Variants in CFAP61 observed in about 807,000 individuals in gnomAD.
CFAP61 encodes the protein cilia and flagella associated protein 61, also known as cilia- and flagella-associated protein 61.
A neutral mutation model predicts 135.6 loss-of-function variants in CFAP61; 107 were observed. The observed-to-expected ratio is 0.79, with a 90% CI of 0.67 to 0.93. The LOEUF is 0.93. Ranked by LOEUF, CFAP61 falls within the 40% of genes least tolerant of loss-of-function variation. The probability of loss-of-function intolerance (pLI) is 0.00; values close to 1 mark genes in which losing one functional copy is unlikely to be tolerated. For synonymous variants in CFAP61, 575 were observed against 578.5 expected (o/e 0.99, Z 0.09); for missense variants, 1,507 against 1,556.2 (o/e 0.97, Z 0.53).
intron 26 of CFAP61, among the ~76,000 whole-genome samples, chr20:20,357,416 G>A (rs2059260315): frequency 1.3e-5 from 1 of 74,168 alleles, no homozygotes; most frequent in Non-Finnish European, 2.6e-5. Context: ...GTCACAGTGT[G>A]AGGGGAGGTG....
chr20:20,055,975 T>C (rs775460676), intron 1 of CFAP61: 3 of 1,611,114 alleles, frequency 1.9e-6, no homozygotes, highest in South Asian at 1.1e-5. Flanking sequence ...TTTCCCAAAG[T>C]GTCCTTCTGG....
chr20:20,319,816 C>T (rs2057343584), intron 25 of CFAP61, among the ~76,000 whole-genome samples: 1 of 152,120 alleles, frequency 6.6e-6, no homozygotes, highest in African/African-American at 2.4e-5. Context: ...AGAATATCAT[C>T]ATTTTCCAGA....
At chr20:20,239,213 T>C (rs2049832963) in intron 18 of CFAP61, among the ~76,000 whole-genome samples, 1 of 152,228 alleles carries the variant, frequency 6.6e-6, no homozygotes, top group Non-Finnish European at 1.5e-5. Flanking sequence ...TTATGTATTA[T>C]AAACTTCATG....
At chr20:20,320,537 AAT>A (rs1157915964) in intron 25 of CFAP61, among the ~76,000 whole-genome samples, 1 of 76,658 alleles carries the variant, frequency 1.3e-5, no homozygotes, top group East Asian at 3.4e-4. Context: ...TTATATATGT[AAT>A]ATATATATAT....
intron 8 of CFAP61, among the ~76,000 whole-genome samples, chr20:20,131,469 G>A (rs1409357759): frequency 1.3e-5 from 2 of 151,982 alleles, no homozygotes; most frequent in African/African-American, 4.8e-5. Flanking sequence ...AATGTTCAAA[G>A]TAGTAATGTT....
At chr20:20,135,135 G>A (rs893002023) in intron 8 of CFAP61, among the ~76,000 whole-genome samples, 4 of 152,086 alleles carry the variant, frequency 2.6e-5, no homozygotes, top group African/African-American at 9.7e-5. Context: ...TGTGATTATG[G>A]AATCAGATTG....
intron 8 of CFAP61, among the ~76,000 whole-genome samples, chr20:20,105,822 G>A (rs2048345559): frequency 6.9e-6 from 1 of 144,860 alleles, no homozygotes; most frequent in Non-Finnish European, 1.5e-5. Flanking sequence ...TTTTTTTTTA[G>A]TAGAGATGGG....
chr20:20,276,142 C>T (rs1458701902), intron 21 of CFAP61, among the ~76,000 whole-genome samples: 1 of 152,246 alleles, frequency 6.6e-6, no homozygotes, highest in Non-Finnish European at 1.5e-5. Context: ...AGCCATCACA[C>T]TTCCTTTCAA....
chr20:20,127,832 T>G (rs1021353439), intron 8 of CFAP61, among the ~76,000 whole-genome samples: 2 of 151,734 alleles, frequency 1.3e-5, no homozygotes, highest in African/African-American at 4.9e-5. Context: ...TAGGCATGTC[T>G]GAGCTCAGAC....
At chr20:20,275,858 T>C (rs2053717794) in intron 21 of CFAP61, among the ~76,000 whole-genome samples, 2 of 152,228 alleles carry the variant, frequency 1.3e-5, no homozygotes. Flanking sequence ...CTCAATAATT[T>C]AAGCAAAATG....
intron 8 of CFAP61, among the ~76,000 whole-genome samples, chr20:20,102,916 T>G (rs536251876): frequency 1.3e-5 from 2 of 152,298 alleles, no homozygotes; most frequent in South Asian, 4.2e-4. Flanking sequence ...CCAGAGGCCC[T>G]CCTTTTTCTA....
chr20:20,200,031 T>C (rs1198328048), intron 17 of CFAP61, 129 bp downstream of exon 17: 43 of 1,108,746 alleles, frequency 3.9e-5, no homozygotes, highest in Non-Finnish European at 5.0e-5. Context: ...CTCATACCCT[T>C]ACAGGCGGAG....
intron 2 of CFAP61, among the ~76,000 whole-genome samples, chr20:20,060,041 ACT>A (rs1205368878): frequency 6.7e-6 from 1 of 150,102 alleles, no homozygotes; most frequent in Non-Finnish European, 1.5e-5. Context: ...ACAGCAAAAC[ACT>A]CCAGTTAAAA....
intron 18 of CFAP61, among the ~76,000 whole-genome samples, chr20:20,238,957 C>CT (rs796252941): frequency 0.013 from 1,848 of 145,832 alleles, 21 homozygotes; most frequent in East Asian, 0.062. Context: ...TAACTTGAAA[C>CT]TTTTTTTTTT....
intron 9 of CFAP61, among the ~76,000 whole-genome samples, chr20:20,156,701 G>A (rs1048245780): frequency 2.6e-5 from 4 of 152,090 alleles, no homozygotes; most frequent in Non-Finnish European, 4.4e-5. Context: ...AAATTTAGTT[G>A]TATCTCTGTA....
At chr20:20,065,488 T>G (rs554625020) in intron 2 of CFAP61, among the ~76,000 whole-genome samples, 1 of 152,130 alleles carries the variant, frequency 6.6e-6, no homozygotes, top group African/African-American at 2.4e-5. Context: ...TAAATTTTCA[T>G]TGATGTCCTG....
intron 21 of CFAP61, among the ~76,000 whole-genome samples, chr20:20,269,213 A>ACGTATATGTG (rs2053125275): frequency 6.9e-6 from 1 of 143,904 alleles, no homozygotes. Flanking sequence ...GTATATATAC[A>ACGTATATGTG]CATATATACA....
intron 25 of CFAP61, among the ~76,000 whole-genome samples, chr20:20,303,557 G>A (rs1414154450): frequency 6.6e-6 from 1 of 152,104 alleles, no homozygotes; most frequent in Non-Finnish European, 1.5e-5. Flanking sequence ...CAAGTGCCAC[G>A]AAATGCTGCC....
Position 20,066,761 on chromosome 20 carries a change from C to T in CFAP61, c.144-4093C>T, listed in dbSNP as rs905503201. 2.6e-5 allele frequency among the ~76,000 whole-genome samples: 4 copies of T among 151,904 alleles called. 1 individual carries two copies. In the South Asian group the frequency reaches 6.2e-4, roughly 24 times the overall value. On this transcript the variant is annotated intron_variant, in intron 2 of 26. Coordinates refer to ENST00000245957, the MANE Select transcript of CFAP61 (RefSeq NM_015585.4). ...ATGGGTGCAGCAAACCACAATGGCA[C>T]GTGTATATGTAACAAACCTGTATGT...
Sources: allele counts gnomAD v4.1 joint callset (sites outside exome capture counted in the v4.1 genomes callset), GRCh38; gene constraint gnomAD v4.1.1; transcripts MANE v1.5; gene names NCBI Gene and HGNC (gene_info 2026-07-23, HGNC 2026-07-21).